The following PRAG1 variants were observed in gnomAD, a reference collection of about 807,000 sequenced individuals.
PRAG1 encodes the protein inactive tyrosine-protein kinase PRAG1.
A neutral mutation model predicts 95.6 loss-of-function variants in PRAG1; 110 were observed. The ratio of observed to expected loss-of-function variants is 1.15; its 90% CI spans 0.99 to 1.35. PRAG1 has a LOEUF of 1.35. Ranked by LOEUF, PRAG1 falls within the 40% of genes most tolerant of loss-of-function variation. The pLI is 0.00. For synonymous variants in PRAG1, 1,052 were observed against 819.4 expected, an observed-to-expected ratio of 1.28 and a Z score of -4.85; for missense variants, 2,554 against 1,864.7, an observed-to-expected ratio of 1.37 and a Z score of -6.81.
chr8:8,328,924 T>C (rs918789258), intron 4 of PRAG1, among the ~76,000 whole-genome samples: 4 of 152,258 alleles, frequency 2.6e-5, no homozygotes, highest in Admixed American at 1.3e-4. Context: ...CTCACCATAA[T>C]ATATCACCAT....
intron 3 of PRAG1, among the ~76,000 whole-genome samples, chr8:8,358,761 T>G (rs972430645): frequency 5.3e-5 from 8 of 152,182 alleles, no homozygotes; most frequent in Non-Finnish European, 7.3e-5. Flanking sequence ...CCCTTATGGG[T>G]GAAGTCCCTA....
chr8:8,365,820 A>G (rs1380879093), intron 3 of PRAG1, among the ~76,000 whole-genome samples: 1 of 151,290 alleles, frequency 6.6e-6, no homozygotes, highest in East Asian at 2.0e-4. Context: ...ACACATATAT[A>G]TATACAAAAA....
At chr8:8,349,380 A>G (rs905253105) in intron 3 of PRAG1, among the ~76,000 whole-genome samples, 2 of 152,044 alleles carry the variant, frequency 1.3e-5, no homozygotes, top group Admixed American at 1.3e-4. Context: ...TCCCGGGTTC[A>G]CGCCATTCTC....
intron 3 of PRAG1, among the ~76,000 whole-genome samples, chr8:8,367,806 T>A (rs1209790023): frequency 3.9e-5 from 6 of 152,044 alleles, no homozygotes; most frequent in Non-Finnish European, 1.5e-5. Flanking sequence ...CATGCCCAGC[T>A]AATTTTTTGT....
chr8:8,384,838 C>G lies in PRAG1; in HGVS notation c.-88+1483G>C, dbSNP rs149688308. ...GGCAGCCCCCAGAATTATGCAAATC[C>G]TCCCCATTTCAGTAGGAGGCTGCAG... On this transcript the variant is annotated intron_variant, in intron 1 of 5. Transcript: ENST00000615670. 9.8e-3 allele frequency among the ~76,000 whole-genome samples: 1,497 copies of G among 152,234 alleles called. 10 individuals carry two copies. Among genetic ancestry groups the G allele is most frequent in the Non-Finnish European group, 0.014 (951 of 68,014 alleles).
chr8:8,374,584 G>C, intron 3 of PRAG1: 1 of 885,620 alleles, frequency 1.1e-6, no homozygotes, highest in Non-Finnish European at 1.4e-6. Context: ...GAAATGAGTT[G>C]TTATGTCTAA....
chr8:8,371,149 AAAG>A (rs1378242936), intron 3 of PRAG1, among the ~76,000 whole-genome samples: 9 of 151,344 alleles, frequency 5.9e-5, no homozygotes, highest in Non-Finnish European at 8.8e-5. Context: ...AAAAAAAAAA[AAAG>A]AGTGAGCAAA....
intron 3 of PRAG1, among the ~76,000 whole-genome samples, chr8:8,343,753 C>T (rs934052991): frequency 2.6e-5 from 4 of 152,104 alleles, no homozygotes; most frequent in Admixed American, 2.6e-4. Context: ...GGAAAGCCAC[C>T]ATAGAAATTA....
At chr8:8,370,268 C>A (rs1800148024) in intron 3 of PRAG1, among the ~76,000 whole-genome samples, 1 of 152,204 alleles carries the variant, frequency 6.6e-6, no homozygotes. Flanking sequence ...TGGAAACAGG[C>A]CAACTATGAA....
chr8:8,364,348 T>C (rs904007530), intron 3 of PRAG1, among the ~76,000 whole-genome samples: 5 of 152,172 alleles, frequency 3.3e-5, no homozygotes, highest in African/African-American at 9.7e-5. Context: ...TTTTTGCCTG[T>C]TTTTCTACTG....
intron 3 of PRAG1, among the ~76,000 whole-genome samples, chr8:8,372,824 G>C (rs994371965): frequency 2.0e-5 from 3 of 152,142 alleles, no homozygotes; most frequent in East Asian, 1.9e-4. Flanking sequence ...TTGTAAAATA[G>C]GGCGATAAAC....
rs187699264 is a variant in PRAG1, at chr8:8,382,568, G to C, written c.-87-734C>G. The stretch of plus-strand genomic sequence containing the variant: ...GTAGTAAGACAAATTCATGGTCAAA[G>C]GTGGCTGGATAGATGATAAGAGAGA... On this transcript the variant is annotated intron_variant, in intron 1 of 5. Coordinates refer to ENST00000615670, the MANE Select transcript of PRAG1 (RefSeq NM_001080826.3). Among the ~76,000 whole-genome samples the C allele has an allele frequency of 8.5e-5, 13 of 152,332 alleles. No individual in the cohort carries two copies. In the East Asian group the frequency reaches 2.5e-3, roughly 29 times the overall value.
intron 4 of PRAG1, among the ~76,000 whole-genome samples, chr8:8,332,576 G>T (rs1481959036): frequency 6.6e-6 from 1 of 152,086 alleles, no homozygotes; most frequent in East Asian, 1.9e-4. Flanking sequence ...CTCTCCAGGT[G>T]TGGAATTACA....
At chr8:8,368,514 T>A (rs553202345) in intron 3 of PRAG1, among the ~76,000 whole-genome samples, 4 of 152,346 alleles carry the variant, frequency 2.6e-5, no homozygotes, top group South Asian at 4.1e-4. Flanking sequence ...CACAGGATAT[T>A]CTTTGTAGTT....
At chr8:8,320,396 G>A (rs116969704) in intron 5 of PRAG1, among the ~76,000 whole-genome samples, 197 of 152,200 alleles carry the variant, frequency 1.3e-3, no homozygotes, top group Non-Finnish European at 2.1e-3. Context: ...TGTCTTTCTC[G>A]CCTCCTCCAT....
At chr8:8,322,497 A>C (rs1351208096) in intron 5 of PRAG1, among the ~76,000 whole-genome samples, 1 of 152,138 alleles carries the variant, frequency 6.6e-6, no homozygotes, top group Non-Finnish European at 1.5e-5. Context: ...CCCTCCAACC[A>C]TCTGAAATGG....
chr8:8,361,053 T>G (rs1271491243), intron 3 of PRAG1, among the ~76,000 whole-genome samples: 1 of 152,210 alleles, frequency 6.6e-6, no homozygotes, highest in Non-Finnish European at 1.5e-5. Flanking sequence ...ACTGAGGGCC[T>G]AAAAAGTGAT....
chr8:8,368,322 G>C (rs1227232011), intron 3 of PRAG1, among the ~76,000 whole-genome samples: 1 of 152,206 alleles, frequency 6.6e-6, no homozygotes, highest in Non-Finnish European at 1.5e-5. Context: ...CAGTGCATCA[G>C]ACTGAAGCTA....
chr8:8,364,458 C>T (rs139362866), intron 3 of PRAG1, among the ~76,000 whole-genome samples: 1,763 of 152,274 alleles, frequency 0.012, 18 homozygotes, highest in Non-Finnish European at 0.015. Flanking sequence ...CATCTATTAA[C>T]TGCTGATGGC....
Sources: allele counts gnomAD v4.1 joint callset (sites outside exome capture counted in the v4.1 genomes callset), GRCh38; gene constraint gnomAD v4.1.1; transcripts MANE v1.5; gene names NCBI Gene and HGNC (gene_info 2026-07-23, HGNC 2026-07-21).